Variants in DLG2 observed in about 807,000 individuals in gnomAD.
The protein encoded by DLG2 is discs large MAGUK scaffold protein 2.
A neutral mutation model predicts 132.5 loss-of-function variants in DLG2; 45 were observed. That is an observed-to-expected ratio of 0.34 (90% CI 0.27 to 0.44). The LOEUF (loss-of-function observed/expected upper bound fraction) is 0.44, where lower values mean the gene tolerates loss of function less well. Among genes scored for constraint, DLG2 ranks in the 20% least tolerant of loss-of-function variants. The probability of loss-of-function intolerance (pLI) is 1.00; values close to 1 mark genes in which losing one functional copy is unlikely to be tolerated. For missense variants in DLG2, 1,045 were observed against 1,196.9 expected, an observed-to-expected ratio of 0.87 and a Z score of 1.87; for synonymous variants, 424 against 419.6, an observed-to-expected ratio of 1.01 and a Z score of -0.13.
chr11:85,506,464 TC>T (rs1462390515), intron 3 of DLG2, among the ~76,000 whole-genome samples: 1 of 152,242 alleles, frequency 6.6e-6, no homozygotes, highest in Non-Finnish European at 1.5e-5. Context: ...TGCTTTTATT[TC>T]ATTATGTACC....
rs2099255434 is a variant in DLG2, at chr11:84,510,920, G to C, written c.519+23650C>G. Among the ~76,000 whole-genome samples, 3 of 151,992 alleles carry C rather than the reference G, an allele frequency of 2.0e-5. No individual in the cohort carries two copies. The South Asian group carries it at 6.2e-4, about 31-fold the overall frequency. ...GAGAAGGAAGAAACTCCCCCATACA[G>C]GGACAGAGGGAGGAGGGCTCCAAAG... is the stretch of plus-strand genomic sequence containing the variant. On this transcript the variant is annotated intron_variant, in intron 7 of 27. Transcript: ENST00000376104.
At chr11:85,269,666 G>A (rs2077407002) in intron 4 of DLG2, among the ~76,000 whole-genome samples, 1 of 152,180 alleles carries the variant, frequency 6.6e-6, no homozygotes, top group African/African-American at 2.4e-5. Context: ...TAGTGTTAAT[G>A]TTAGGCCAGT....
At chr11:85,559,781 TAC>T (rs953454031) in intron 3 of DLG2, among the ~76,000 whole-genome samples, 1 of 149,830 alleles carries the variant, frequency 6.7e-6, no homozygotes, top group African/African-American at 2.4e-5. Context: ...AAATCTAAAA[TAC>T]ACACACACAG....
At chr11:84,316,767 A>G in intron 7 of DLG2, 2 of 1,505,742 alleles carry the variant, frequency 1.3e-6, no homozygotes, top group East Asian at 2.4e-5. Flanking sequence ...CTAACCTTAA[A>G]CAACTTGCTC....
At chr11:83,889,546 T>C (rs528706856) in intron 15 of DLG2, among the ~76,000 whole-genome samples, 1 of 152,328 alleles carries the variant, frequency 6.6e-6, no homozygotes, top group African/African-American at 2.4e-5. Context: ...GAAGTCAGTG[T>C]GGTGATTCCT....
At chr11:83,991,955 G>T (rs1331993578) in intron 11 of DLG2, among the ~76,000 whole-genome samples, 2 of 152,116 alleles carry the variant, frequency 1.3e-5, no homozygotes, top group Non-Finnish European at 2.9e-5. Context: ...TATAAGAAGA[G>T]GAAATTTGGA....
intron 7 of DLG2, among the ~76,000 whole-genome samples, chr11:84,491,870 G>C (rs931800760): frequency 6.6e-6 from 1 of 151,966 alleles, no homozygotes. Context: ...GGTGTGGCCC[G>C]GTCATTGATT....
At chr11:84,717,934 A>T (rs547544097) in intron 6 of DLG2, among the ~76,000 whole-genome samples, 3 of 152,216 alleles carry the variant, frequency 2.0e-5, no homozygotes, top group Admixed American at 1.3e-4. Flanking sequence ...TACATAAATC[A>T]TATCAATAGT....
intron 3 of DLG2, among the ~76,000 whole-genome samples, chr11:85,488,114 G>C (rs2093472283): frequency 6.6e-6 from 1 of 152,086 alleles, no homozygotes. Context: ...CTTTTGGCTG[G>C]GTGCAGTGGC....
rs1182100303 is a variant in DLG2 at position 84,059,332 on chromosome 11, A to AGTT, written c.899_901dup (p.Lys300_Leu301insGln). On this transcript the variant is annotated inframe_insertion, in exon 11 of 28. Coordinates refer to ENST00000376104, the MANE Select transcript of DLG2 (RefSeq NM_001142699.3). ...TTGATTACCTTTAGGGCCTTTGAAC[A>AGTT]GTTTGATTTCCACAACGGTCTCCAA... 1 of 1,613,534 alleles carries AGTT rather than the reference A, an allele frequency of 6.2e-7. No homozygotes were observed. Among genetic ancestry groups the AGTT allele is most frequent in the South Asian group, 1.1e-5 (1 of 90,986 alleles).
intron 8 of DLG2, among the ~76,000 whole-genome samples, chr11:84,223,312 T>C (rs144837284): frequency 1.3e-5 from 2 of 152,234 alleles, no homozygotes; most frequent in Non-Finnish European, 2.9e-5. Flanking sequence ...GAGAGAATAA[T>C]GTGTTTTTCT....
intron 7 of DLG2, among the ~76,000 whole-genome samples, chr11:84,331,890 T>A (rs2098461366): frequency 6.6e-6 from 1 of 152,166 alleles, no homozygotes; most frequent in South Asian, 2.1e-4. Flanking sequence ...TCTGAAAAAT[T>A]GGTGTTGGGT....
At chr11:84,631,000 TCTCTCTCTCTCTCTCTCTCA>T (rs1436463691) in intron 6 of DLG2, among the ~76,000 whole-genome samples, 86 of 126,888 alleles carry the variant, frequency 6.8e-4, no homozygotes, top group South Asian at 5.3e-3. Context: ...TCTCTCTCTC[TCTCTCTCTCTCTCTCTCTCA>T]CACACACACA....
intron 18 of DLG2, among the ~76,000 whole-genome samples, chr11:83,768,342 T>C (rs541587729): frequency 6.6e-6 from 1 of 152,322 alleles, no homozygotes; most frequent in Non-Finnish European, 1.5e-5. Flanking sequence ...TGCTTTAGAG[T>C]AGGGTGCTTT....
At chr11:85,511,157 A>T (rs1180967798) in intron 3 of DLG2, among the ~76,000 whole-genome samples, 2 of 151,916 alleles carry the variant, frequency 1.3e-5, no homozygotes, top group Non-Finnish European at 1.5e-5. Flanking sequence ...TCACTCATAG[A>T]TGGGAATTGA....
At position 84,251,637 on chromosome 11, in the gene DLG2, C is replaced by CTTTTTTTTTT. The variant is rs369651884; in HGVS notation, c.520-347_520-346insAAAAAAAAAA. On this transcript the variant is annotated intron_variant, in intron 7 of 27. Coordinates refer to ENST00000376104, the MANE Select transcript of DLG2 (RefSeq NM_001142699.3). ...GTAAGAGTTAAAACTTGTATCTTTTCTTTCTTTTTTTTTTTTTTTTGTGAG... is the reference window on the plus strand; with the variant it reads ...GTAAGAGTTAAAACTTGTATCTTTTCTTTTTTTTTTTTTCTTTTTTTTTTTTTTTTGTGAG... 8.5e-5 allele frequency among the ~76,000 whole-genome samples: 11 copies of CTTTTTTTTTT among 130,024 alleles called. 3 individuals are homozygous for CTTTTTTTTTT. The highest frequency in any genetic ancestry group is 1.1e-4 in the Non-Finnish European group (7 of 62,508). The allele number at this position is 130,024 out of a possible 152,430, so 85.3% of individuals were successfully genotyped here.
chr11:84,500,272 T>C (rs1429034306), intron 7 of DLG2, among the ~76,000 whole-genome samples: 2 of 150,928 alleles, frequency 1.3e-5, no homozygotes, highest in African/African-American at 4.9e-5. Context: ...AAGGGATAAA[T>C]GACAGTTGTC....
chr11:85,449,567 C>T (rs1274068054), intron 3 of DLG2, among the ~76,000 whole-genome samples: 3 of 151,962 alleles, frequency 2.0e-5, no homozygotes, highest in African/African-American at 4.8e-5. Context: ...TTTATTTAAA[C>T]ATTTTAAACA....
intron 11 of DLG2, among the ~76,000 whole-genome samples, chr11:83,997,903 G>A (rs1221072289): frequency 2.0e-5 from 3 of 151,310 alleles, no homozygotes; most frequent in African/African-American, 4.9e-5. Flanking sequence ...AGGCCATGGC[G>A]GGTGGATCAC....
Sources: gnomAD v4.1 joint callset for allele counts (sites outside exome capture counted in the v4.1 genomes callset) on GRCh38, gnomAD v4.1.1 for gene constraint, MANE v1.5 for transcripts, NCBI Gene and HGNC (gene_info 2026-07-23, HGNC 2026-07-21) for gene names.